The following PTPRT variants were observed in gnomAD, a reference collection of about 807,000 sequenced individuals.
PTPRT encodes the protein protein tyrosine phosphatase receptor type T.
In PTPRT, 56 loss-of-function variants were observed where a neutral mutation model predicts 176.8. The ratio of observed to expected loss-of-function variants is 0.32; its 90% confidence interval spans 0.26 to 0.40. The LOEUF (loss-of-function observed/expected upper bound fraction) is 0.40. Among genes scored for constraint, PTPRT ranks in the 10% least tolerant of loss-of-function variants. The probability of loss-of-function intolerance (pLI) is 1.00; values close to 1 mark genes in which losing one functional copy is unlikely to be tolerated. For missense variants in PTPRT, 1,540 were observed against 1,908.2 expected (o/e 0.81, Z 3.60); for synonymous variants, 783 against 739.0 (o/e 1.06, Z -0.96).
At chr20:42,790,023 C>T (rs1246043905) in intron 3 of PTPRT, among the ~76,000 whole-genome samples, 4 of 152,194 alleles carry the variant, frequency 2.6e-5, no homozygotes, top group Non-Finnish European at 5.9e-5. Flanking sequence ...GACTGCCTCA[C>T]CCTCTAACCT....
intron 8 of PTPRT, among the ~76,000 whole-genome samples, chr20:42,461,816 A>T (rs552013744): frequency 2.6e-5 from 4 of 151,876 alleles, no homozygotes; most frequent in Non-Finnish European, 5.9e-5. Flanking sequence ...GAAAGAATGG[A>T]TGCATAAGGA....
At chr20:42,888,400 CA>C (rs2079137108) in intron 1 of PTPRT, among the ~76,000 whole-genome samples, 1 of 152,166 alleles carries the variant, frequency 6.6e-6, no homozygotes, top group Non-Finnish European at 1.5e-5. Context: ...CTGTGTTGGG[CA>C]ACATATTCGA....
At chr20:42,505,144 T>C (rs529534477) in intron 7 of PTPRT, among the ~76,000 whole-genome samples, 1 of 152,268 alleles carries the variant, frequency 6.6e-6, no homozygotes, top group South Asian at 2.1e-4. Context: ...TTAAGCCTAC[T>C]GCTCTGTGTA....
At chr20:42,257,770 C>T (rs777737769) in intron 13 of PTPRT, among the ~76,000 whole-genome samples, 2 of 151,520 alleles carry the variant, frequency 1.3e-5, no homozygotes, top group Non-Finnish European at 2.9e-5. Flanking sequence ...AGCTGCTATG[C>T]GTCCTCTACA....
At chr20:42,267,533 T>C (rs73254769) in intron 13 of PTPRT, among the ~76,000 whole-genome samples, 10,441 of 152,218 alleles carry the variant, frequency 0.069, 1,247 homozygotes, top group African/African-American at 0.24. Context: ...TATTAAACAG[T>C]ATGGCTCTGG....
chr20:42,631,557 T>C (rs779935708), intron 7 of PTPRT, among the ~76,000 whole-genome samples: 13 of 152,222 alleles, frequency 8.5e-5, no homozygotes, highest in Non-Finnish European at 1.8e-4. Context: ...AGTCAAGCTG[T>C]GAGGTAGGCC....
intron 9 of PTPRT, among the ~76,000 whole-genome samples, chr20:42,392,663 T>C (rs6102817): frequency 0.02 from 2,997 of 152,178 alleles, 93 homozygotes; most frequent in African/African-American, 0.069. Context: ...CTTCACAGTA[T>C]AAGGATTGGA....
intron 19 of PTPRT, among the ~76,000 whole-genome samples, chr20:42,127,347 C>T (rs1351904309): frequency 1.3e-5 from 2 of 152,100 alleles, no homozygotes; most frequent in African/African-American, 2.4e-5. Context: ...ATGGAGAATA[C>T]ACTGCCCTTC....
At chr20:42,909,928 CTGA>C (rs2079523910) in intron 1 of PTPRT, among the ~76,000 whole-genome samples, 1 of 152,212 alleles carries the variant, frequency 6.6e-6, no homozygotes, top group Admixed American at 6.5e-5. Context: ...TTAAAATTTG[CTGA>C]TGCCAATCGG....
chr20:42,484,162 T>C (rs369734495), intron 7 of PTPRT, among the ~76,000 whole-genome samples: 1 of 152,238 alleles, frequency 6.6e-6, no homozygotes, highest in Non-Finnish European at 1.5e-5. Flanking sequence ...CAATTCTTTA[T>C]ATACAGTTAA....
Position 42,851,425 on chromosome 20 carries a change from A to T in PTPRT, c.214+34382T>A, listed in dbSNP as rs529127113. ...TCAACTCTAATCATCACTGTCTTGC[A>T]TTTCTCCCTTTCCAATCCAATTCTT... On this transcript the variant is annotated intron_variant, in intron 2 of 30. Transcript: ENST00000373187. Among the ~76,000 whole-genome samples, 7 of 152,244 alleles carry T rather than the reference A, an allele frequency of 4.6e-5. No homozygotes were observed. In the East Asian group the frequency reaches 1.4e-3, roughly 29 times the overall value.
chr20:42,648,820 G>GTTGTTTTTTTTTTTTTTTTTTTTTTTT (rs1310734163), intron 7 of PTPRT, among the ~76,000 whole-genome samples: 6 of 111,838 alleles, frequency 5.4e-5, no homozygotes, highest in African/African-American at 2.2e-4. Context: ...TGGTGTCGTT[G>GTTGTTTTTTTTTTTTTTTTTTTTTTTT]TTTTTTTTTT....
chr20:42,282,359 T>C, intron 13 of PTPRT, 130 bp downstream of exon 13: 1 of 908,058 alleles, frequency 1.1e-6, no homozygotes, highest in Non-Finnish European at 1.7e-6. Context: ...TAGATGCAAA[T>C]GACTCCGGTG....
intron 12 of PTPRT, among the ~76,000 whole-genome samples, chr20:42,283,069 G>T (rs369244406): frequency 6.6e-6 from 1 of 152,078 alleles, no homozygotes; most frequent in East Asian, 1.9e-4. Context: ...TGTGGGCCTC[G>T]CAACCTTCAT....
At chr20:42,047,867 C>T in the PTPRT span, among the ~76,000 whole-genome samples, 1 of 152,334 alleles carries the variant, frequency 6.6e-6, no homozygotes, top group South Asian at 2.1e-4. Flanking sequence ...TGATACTCTT[C>T]CCAGTGCCCA....
chr20:42,492,709 G>C (rs887385112), intron 7 of PTPRT, among the ~76,000 whole-genome samples: 1 of 151,936 alleles, frequency 6.6e-6, no homozygotes, highest in African/African-American at 2.4e-5. Flanking sequence ...CTGTCCTTTG[G>C]TTATTAATTT....
chr20:42,563,014 A>G (rs887408109), intron 7 of PTPRT, among the ~76,000 whole-genome samples: 2 of 152,206 alleles, frequency 1.3e-5, no homozygotes, highest in African/African-American at 4.8e-5. Flanking sequence ...TTGGTTGCCT[A>G]AAAGTGTAAT....
rs770309635 is a variant in PTPRT at position 42,074,327 on chromosome 20, T to C, written c.*6552A>G. 1.3e-5 allele frequency: 3 copies of C among 232,602 alleles called. No homozygotes were observed. Among genetic ancestry groups the C allele is most frequent in the Non-Finnish European group, 2.5e-5 (3 of 117,836 alleles). The allele number at this position is 232,602 out of a possible 1,614,324, so 14.4% of individuals were successfully genotyped here. A position where few individuals can be genotyped will look rare whatever the true frequency, so the allele number is the denominator to read the frequency against. On this transcript the variant is annotated 3_prime_UTR_variant, in exon 31 of 31. Transcript: ENST00000373187. ...TGAAGTAATTGTACAGAGACTCAAT[T>C]TTGTAATTTTGGTGGTTTACTTCCT...
chr20:42,682,776 A>G (rs550554014), intron 6 of PTPRT, among the ~76,000 whole-genome samples: 1 of 152,280 alleles, frequency 6.6e-6, no homozygotes, highest in East Asian at 1.9e-4. Flanking sequence ...CAACATGTAG[A>G]TGGTGAAGTG....
Sources: allele counts gnomAD v4.1 joint callset (sites outside exome capture counted in the v4.1 genomes callset), GRCh38; gene constraint gnomAD v4.1.1; transcripts MANE v1.5; gene names NCBI Gene and HGNC (gene_info 2026-07-23, HGNC 2026-07-21).